LPCAT2: variants seen among roughly 807,000 people sequenced by gnomAD.
The protein encoded by LPCAT2 is lysophosphatidylcholine acyltransferase 2, also known as 1-AGP acyltransferase 11.
Under a neutral mutation model 64.7 loss-of-function variants are expected in LPCAT2, and 58 were observed. The observed-to-expected ratio is 0.90, with a 90% CI of 0.73 to 1.12. The LOEUF is 1.12. LPCAT2 is among the 50% of genes most tolerant of loss of function. LPCAT2 has a pLI of 0.00. For synonymous variants in LPCAT2, 252 were observed against 245.3 expected, an observed-to-expected ratio of 1.03 and a Z score of -0.26; for missense variants, 579 against 669.8, an observed-to-expected ratio of 0.86 and a Z score of 1.50.
At chr16:55,567,905 C>T (rs1963725096) in intron 11 of LPCAT2, among the ~76,000 whole-genome samples, 1 of 152,062 alleles carries the variant, frequency 6.6e-6, no homozygotes, top group African/African-American at 2.4e-5. Flanking sequence ...AGAAAGCCCT[C>T]AGGAGATACA....
chr16:55,558,546 C>T lies in LPCAT2; in HGVS notation c.1215+7444C>T, dbSNP rs115920175. Among the ~76,000 whole-genome samples the T allele has an allele frequency of 5.3e-3, 800 of 152,304 alleles. 13 individuals are homozygous for T. The highest frequency in any genetic ancestry group is 0.018 in the African/African-American group (757 of 41,556). ...GTCATATCTCTTCCACACTACATCTCAAGATGCATTCATCTTAATTTTCTA... is the reference window on the plus strand; with the variant it reads ...GTCATATCTCTTCCACACTACATCTTAAGATGCATTCATCTTAATTTTCTA... On this transcript the variant is annotated intron_variant, in intron 11 of 13. Coordinates refer to ENST00000262134, the MANE Select transcript of LPCAT2 (RefSeq NM_017839.5).
chr16:55,510,478 G>A (rs1244137747), intron 1 of LPCAT2, among the ~76,000 whole-genome samples: 1 of 151,712 alleles, frequency 6.6e-6, no homozygotes, highest in Non-Finnish European at 1.5e-5. Flanking sequence ...CAATTTTGAA[G>A]TTTTCATGTC....
intron 8 of LPCAT2, among the ~76,000 whole-genome samples, chr16:55,543,766 T>C (rs1301866761): frequency 6.6e-6 from 1 of 152,192 alleles, no homozygotes; most frequent in Non-Finnish European, 1.5e-5. Context: ...TTTAGTTAAA[T>C]TTTTTCATTT....
At chr16:55,574,850 C>A in intron 12 of LPCAT2, 121 bp downstream of exon 12, 1 of 731,416 alleles carries the variant, frequency 1.4e-6, no homozygotes, top group South Asian at 1.6e-5. Context: ...GTGACATGTA[C>A]AGGACAATAA....
chr16:55,545,704 A>G, intron 8 of LPCAT2, 31 bp from the exon 9 acceptor site: 1 of 1,385,886 alleles, frequency 7.2e-7, no homozygotes. Flanking sequence ...GGCTTAAGAC[A>G]TTGTTATGGA....
chr16:55,582,405 A>T (rs1260925951), intron 13 of LPCAT2, among the ~76,000 whole-genome samples: 3 of 152,204 alleles, frequency 2.0e-5, no homozygotes, highest in Non-Finnish European at 4.4e-5. Flanking sequence ...GCTTTATATA[A>T]ATAGACTCAT....
chr16:55,575,218 C>T (rs897479957), intron 12 of LPCAT2, among the ~76,000 whole-genome samples: 1 of 152,164 alleles, frequency 6.6e-6, no homozygotes, highest in African/African-American at 2.4e-5. Context: ...TCCTGCCCCT[C>T]ATGTCTTCCT....
At chr16:55,576,931 TGA>T (rs1239521227) in intron 12 of LPCAT2, among the ~76,000 whole-genome samples, 1 of 152,132 alleles carries the variant, frequency 6.6e-6, no homozygotes, top group Non-Finnish European at 1.5e-5. Flanking sequence ...TATACAGAAG[TGA>T]GAGACACCAA....
Position 55,586,379 on chromosome 16 carries a change from C to G in LPCAT2, c.*3281C>G, listed in dbSNP as rs1044775. On this transcript the variant is annotated 3_prime_UTR_variant, in exon 14 of 14. Coordinates refer to ENST00000262134, the MANE Select transcript of LPCAT2 (RefSeq NM_017839.5). ...TCCCTATTTTTTATAACGTATTAAC[C>G]TTATTATTTTCTTATTATTTTAAAA... 9.2e-5 allele frequency: 14 copies of G among 151,882 alleles called. No individual in the cohort carries two copies. The highest frequency in any genetic ancestry group is 3.4e-4 in the African/African-American group (14 of 41,450). The allele number at this position is 151,882 out of a possible 1,614,324, so 9.4% of individuals were successfully genotyped here. A position where few individuals can be genotyped will look rare whatever the true frequency, so the allele number is the denominator to read the frequency against.
intron 2 of LPCAT2, among the ~76,000 whole-genome samples, chr16:55,526,898 A>G (rs191125719): frequency 5.6e-4 from 86 of 152,340 alleles, no homozygotes; most frequent in African/African-American, 2.0e-3. Context: ...ATGTGGGACC[A>G]GACTTAGAGC....
chr16:55,535,384 A>C (rs1245297324), intron 7 of LPCAT2, among the ~76,000 whole-genome samples: 8 of 152,226 alleles, frequency 5.3e-5, no homozygotes, highest in Non-Finnish European at 8.8e-5. Flanking sequence ...GTATATATAC[A>C]TTGCTTTGAA....
intron 11 of LPCAT2, among the ~76,000 whole-genome samples, chr16:55,572,655 G>GTATACA (rs1432587720): frequency 6.6e-6 from 1 of 152,012 alleles, no homozygotes; most frequent in African/African-American, 2.4e-5. Context: ...GTATACATTT[G>GTATACA]TCAAAACACA....
intron 7 of LPCAT2, among the ~76,000 whole-genome samples, 164 bp from the exon 8 acceptor site, chr16:55,537,414 G>T (rs1315666098): frequency 6.6e-6 from 1 of 151,366 alleles, no homozygotes; most frequent in Non-Finnish European, 1.5e-5. Context: ...AAGAATAGTT[G>T]TCTAGGCCCA....
chr16:55,522,059 T>A (rs1963104645), intron 1 of LPCAT2, among the ~76,000 whole-genome samples: 1 of 151,656 alleles, frequency 6.6e-6, no homozygotes, highest in African/African-American at 2.4e-5. Flanking sequence ...AACTGTCCTA[T>A]TCACAAATGA....
rs749743430 is a variant in LPCAT2 at position 55,532,024 on chromosome 16, G to A, written c.703+50G>A. On this transcript the variant is annotated intron_variant, in intron 5 of 13. Transcript: ENST00000262134. ...CTAACAAAGTAATATGTGAGATTTT[G>A]CAAATGATTTTATAGAAATACACAA... is the stretch of plus-strand genomic sequence containing the variant. 9 of 1,183,372 alleles carry A rather than the reference G, an allele frequency of 7.6e-6. No individual in the cohort carries two copies. In the Admixed American group the frequency reaches 1.1e-4, roughly 14 times the overall value. 73.3% of individuals were successfully genotyped at this position (1,183,372 alleles called of 1,614,324 possible).
In LPCAT2 at chr16:55,551,195, A is replaced by G. The variant is rs1963513715; in HGVS notation, c.1215+93A>G. The G allele has an allele frequency of 4.3e-6, 5 of 1,155,124 alleles. No individual in the cohort carries two copies. The South Asian group carries it at 7.8e-5, about 18-fold the overall frequency. 71.6% of individuals were successfully genotyped at this position (1,155,124 alleles called of 1,614,324 possible). On this transcript the variant is annotated intron_variant, in intron 11 of 13. Transcript: ENST00000262134. ...GGCAATTTGAAAAACTTGATAGGTC[A>G]GTGTTAGAAGAATCAAGGCTGAGCC... is the stretch of plus-strand genomic sequence containing the variant.
intron 11 of LPCAT2, among the ~76,000 whole-genome samples, chr16:55,561,149 T>C (rs1421495611): frequency 6.6e-6 from 1 of 152,050 alleles, no homozygotes; most frequent in Admixed American, 6.5e-5. Context: ...CATGTATCAG[T>C]CATCATTTTA....
In LPCAT2 at chr16:55,551,037, T is replaced by A; in HGVS notation, c.1150T>A (p.Phe384Ile). 2 of 1,613,272 alleles carry A rather than the reference T, an allele frequency of 1.2e-6. No homozygotes were observed. The highest frequency in any genetic ancestry group is 2.2e-5 in the South Asian group (2 of 91,012). The change falls in exon 11 of 14, where the codon TTC becomes ATC. Residue 384 changes from phenylalanine to isoleucine, a missense_variant. Coordinates refer to ENST00000262134, the MANE Select transcript of LPCAT2 (RefSeq NM_017839.5). ...AGGAGGAAGAATTGGAATTGAAGAA[T>A]TCGCCAAGTATTTAAAGTTGCCTGT... ...SKGGRIGIEE[F>I]AKYLKLPVSD...
chr16:55,574,701 C>CA lies in LPCAT2; in HGVS notation c.1287dup (p.Glu430ArgfsTer9), dbSNP rs747378853. The CA allele has an allele frequency of 6.2e-7, 1 of 1,613,512 alleles. No individual in the cohort carries two copies. The highest frequency in any genetic ancestry group is 1.1e-5 in the South Asian group (1 of 91,066). On this transcript the variant is annotated frameshift_variant, in exon 12 of 14. Coordinates refer to ENST00000262134, the MANE Select transcript of LPCAT2 (RefSeq NM_017839.5). LOFTEE classifies it high-confidence loss of function. ...GCTGTCTTGTGCAACCCTTCCAACA[C>CA]AGAGGAGATCATCCAGGTGGCATTT...
Sources: gnomAD v4.1 joint callset for allele counts (sites outside exome capture counted in the v4.1 genomes callset) on GRCh38, gnomAD v4.1.1 for gene constraint, MANE v1.5 for transcripts, NCBI Gene and HGNC (gene_info 2026-07-23, HGNC 2026-07-21) for gene names.